Variants in CC2D2A observed in about 807,000 individuals in gnomAD.
CC2D2A encodes coiled-coil and C2 domain-containing protein 2A.
Under a neutral mutation model 212.9 loss-of-function variants are expected in CC2D2A, and 155 were observed. That is an observed-to-expected ratio of 0.73 (90% CI 0.64 to 0.83). CC2D2A has a LOEUF of 0.83. Ranked by LOEUF, CC2D2A falls within the 40% of genes least tolerant of loss-of-function variation. The probability of loss-of-function intolerance (pLI) is 0.00; values close to 1 mark genes in which losing one functional copy is unlikely to be tolerated. For synonymous variants in CC2D2A, 667 were observed against 686.5 expected (o/e 0.97, Z 0.44); for missense variants, 1,856 against 1,956.2 (o/e 0.95, Z 0.97).
chr4:15,537,123 T>C (rs773493770), intron 15 of CC2D2A, 47 bp downstream of exon 15: 2 of 1,577,688 alleles, frequency 1.3e-6, no homozygotes, highest in East Asian at 4.5e-5. Context: ...CCAGGAAGTG[T>C]CTGGGAGGGC....
Position 15,491,397 on chromosome 4 carries a change from C to G in CC2D2A, c.247+10570C>G, listed in dbSNP as rs78246681. On this transcript the variant is annotated intron_variant, in intron 4 of 36. Transcript: ENST00000424120. ...TTTGTATATCTTCTTAGTAAAATGA[C>G]TATTTACTTTTCGTTTGCTTGTTTG... 1.2e-3 allele frequency among the ~76,000 whole-genome samples: 189 copies of G among 152,238 alleles called. 1 individual carries two copies. The East Asian group carries it at 0.034, about 27-fold the overall frequency.
chr4:15,519,733 T>C, intron 11 of CC2D2A: 1 of 423,142 alleles, frequency 2.4e-6, no homozygotes, highest in South Asian at 1.8e-5. Context: ...CTCCCATTTT[T>C]AAAACAATCA....
chr4:15,559,943 C>T (rs935280963), intron 22 of CC2D2A, among the ~76,000 whole-genome samples: 2 of 152,102 alleles, frequency 1.3e-5, no homozygotes, highest in Admixed American at 1.3e-4. Flanking sequence ...GCCATCCTCC[C>T]ACCTCAGCCT....
intron 4 of CC2D2A, among the ~76,000 whole-genome samples, chr4:15,496,555 G>A (rs1197104972): frequency 1.3e-5 from 2 of 152,012 alleles, no homozygotes; most frequent in Non-Finnish European, 2.9e-5. Flanking sequence ...TTTCTAGGAA[G>A]AGAGAAAGTC....
intron 4 of CC2D2A, among the ~76,000 whole-genome samples, chr4:15,498,898 G>A (rs1209725566): frequency 2.0e-5 from 3 of 151,846 alleles, no homozygotes; most frequent in East Asian, 1.9e-4. Context: ...TTTTTCCTTC[G>A]CTGATCTAAT....
At chr4:15,508,252 T>C (rs1716368841) in intron 6 of CC2D2A, among the ~76,000 whole-genome samples, 1 of 152,138 alleles carries the variant, frequency 6.6e-6, no homozygotes, top group Admixed American at 6.6e-5. Context: ...GTCAATCAAG[T>C]TCTCCTGCAC....
intron 4 of CC2D2A, chr4:15,481,948 C>G: frequency 1.0e-6 from 1 of 985,424 alleles, no homozygotes; most frequent in Non-Finnish European, 1.2e-6. Context: ...ACTTCTCCCC[C>G]TACACACGCC....
At chr4:15,587,990 C>A in intron 32 of CC2D2A, 61 bp downstream of exon 32, 1 of 892,286 alleles carries the variant, frequency 1.1e-6, no homozygotes, top group South Asian at 1.6e-5. Flanking sequence ...GTTGTGTGTT[C>A]CAGATCACAC....
intron 33 of CC2D2A, among the ~76,000 whole-genome samples, chr4:15,591,245 C>A (rs1399441234): frequency 8.4e-6 from 1 of 119,590 alleles, no homozygotes; most frequent in East Asian, 2.5e-4. Context: ...TTGAGACGGA[C>A]TTTCACTCTT....
chr4:15,600,837 G>C (rs1409962033), intron 36 of CC2D2A, among the ~76,000 whole-genome samples: 1 of 150,562 alleles, frequency 6.6e-6, no homozygotes, highest in Non-Finnish European at 1.5e-5. Context: ...GCAGGAGGCC[G>C]AGGCTGCAGT....
At chr4:15,593,096 C>G (rs1169426238) in intron 33 of CC2D2A, among the ~76,000 whole-genome samples, 1 of 152,164 alleles carries the variant, frequency 6.6e-6, no homozygotes, top group Non-Finnish European at 1.5e-5. Flanking sequence ...ATTAAGTTCA[C>G]TTTTTGATAC....
chr4:15,484,829 T>C (rs916804142), intron 4 of CC2D2A, among the ~76,000 whole-genome samples: 1 of 152,042 alleles, frequency 6.6e-6, no homozygotes, highest in African/African-American at 2.4e-5. Flanking sequence ...CAAGTGGACA[T>C]GGATGTATGG....
intron 28 of CC2D2A, 70 bp from the exon 29 acceptor site, chr4:15,574,080 T>C (rs1159397427): frequency 1.5e-6 from 2 of 1,314,456 alleles, no homozygotes; most frequent in Non-Finnish European, 2.1e-6. Flanking sequence ...CAATGAGGAG[T>C]TGACACTTGC....
chr4:15,531,687 T>C (rs560385702), intron 13 of CC2D2A, among the ~76,000 whole-genome samples: 1 of 152,188 alleles, frequency 6.6e-6, no homozygotes, highest in Non-Finnish European at 1.5e-5. Flanking sequence ...TTAAATATTA[T>C]TTTGTAATTT....
At chr4:15,582,845 T>A (rs554272395) in intron 30 of CC2D2A, among the ~76,000 whole-genome samples, 6 of 152,174 alleles carry the variant, frequency 3.9e-5, no homozygotes, top group Non-Finnish European at 8.8e-5. Flanking sequence ...AGTCATTTTA[T>A]GGGCCAGCAT....
intron 17 of CC2D2A, among the ~76,000 whole-genome samples, chr4:15,547,013 A>T (rs772167520): frequency 6.7e-6 from 1 of 149,670 alleles, no homozygotes; most frequent in Non-Finnish European, 1.5e-5. Context: ...AATTCCCATT[A>T]AAAAAAAAAT....
chr4:15,579,328 CA>C (rs60958258), intron 29 of CC2D2A, among the ~76,000 whole-genome samples: 139 of 137,666 alleles, frequency 1.0e-3, no homozygotes, highest in Middle Eastern at 3.8e-3. Flanking sequence ...GACCCTGTCT[CA>C]AAAAAAAAAA....
At chr4:15,498,675 A>C (rs888019280) in intron 4 of CC2D2A, among the ~76,000 whole-genome samples, 4 of 152,226 alleles carry the variant, frequency 2.6e-5, no homozygotes, top group Non-Finnish European at 5.9e-5. Flanking sequence ...TATTCTACCA[A>C]GAAAAAAATG....
chr4:15,574,239 T>C lies in CC2D2A; in HGVS notation c.3684T>C (p.Ser1228=), dbSNP rs1251154123. 6.4e-7 allele frequency: 1 copy of C among 1,551,598 alleles called. No individual in the cohort carries two copies. Among genetic ancestry groups the C allele is most frequent in the Admixed American group, 2.0e-5 (1 of 50,998 alleles). ...RNMILERGFD[S]VRSLSEGSYI... ...TGATTCTTGAGCGGGGTTTTGATTC[T>C]GTCCGAAGCTTAAGTGAAGGCTCCT... The change falls in exon 29 of 37, where the codon TCT becomes TCC. Residue 1228 remains serine (S), a synonymous_variant. Coordinates refer to ENST00000424120, the MANE Select transcript of CC2D2A (RefSeq NM_001378615.1).
Sources: gnomAD v4.1 joint callset for allele counts (sites outside exome capture counted in the v4.1 genomes callset) on GRCh38, gnomAD v4.1.1 for gene constraint, MANE v1.5 for transcripts, NCBI Gene and HGNC (gene_info 2026-07-23, HGNC 2026-07-21) for gene names.